Variants in UBE2V1 observed in about 807,000 individuals in gnomAD.
The protein encoded by UBE2V1 is ubiquitin-conjugating enzyme E2 variant 1.
UBE2V1 carries 15 observed loss-of-function variants against 19.6 expected under a neutral mutation model. The ratio of observed to expected loss-of-function variants is 0.77; its 90% confidence interval spans 0.51 to 1.18. The LOEUF is 1.18. UBE2V1 is among the 50% of genes most tolerant of loss of function. The probability of loss-of-function intolerance (pLI) is 0.00; values close to 1 mark genes in which losing one functional copy is unlikely to be tolerated. For missense variants in UBE2V1, 125 were observed against 184.8 expected, an observed-to-expected ratio of 0.68 and a Z score of 1.88; for synonymous variants, 60 against 60.7, an observed-to-expected ratio of 0.99 and a Z score of 0.05.
chr20:50,111,929 C>G (rs2080778511), intron 1 of UBE2V1, among the ~76,000 whole-genome samples: 1 of 152,134 alleles, frequency 6.6e-6, no homozygotes, highest in African/African-American at 2.4e-5. Flanking sequence ...AACCCATTTT[C>G]ACCCCATCTG....
chr20:50,113,168 C>A (rs202084674), upstream of UBE2V1: 12 of 1,260,820 alleles, frequency 9.5e-6, no homozygotes, highest in South Asian at 5.3e-5. Context: ...CCTTCTTCAC[C>A]CCCCCCTTAC....
rs533666554 is a variant in UBE2V1 at position 50,094,510 on chromosome 20, T to C, written c.171+2162A>G. Among the ~76,000 whole-genome samples, 11 of 151,822 alleles carry C rather than the reference T, an allele frequency of 7.2e-5. 1 individual carries two copies. The South Asian group carries it at 2.3e-3, about 32-fold the overall frequency. ...CATCAACAAATGGAAAAACAAAATA[T>C]GGCGTATCTGTACAATGGAATATTA... is the stretch of plus-strand genomic sequence containing the variant. On this transcript the variant is annotated intron_variant, in intron 2 of 3. Transcript: ENST00000371674.
intron 1 of UBE2V1, among the ~76,000 whole-genome samples, chr20:50,112,906 G>A (rs2080860291): frequency 6.6e-6 from 1 of 152,108 alleles, no homozygotes; most frequent in Non-Finnish European, 1.5e-5. Flanking sequence ...GCCGCCCACA[G>A]GCCCCTCAGC....
chr20:50,099,555 A>C (rs2079851753), intron 1 of UBE2V1, among the ~76,000 whole-genome samples: 1 of 152,152 alleles, frequency 6.6e-6, no homozygotes, highest in Non-Finnish European at 1.5e-5. Context: ...GCATAACAAA[A>C]AACCAATTAG....
At chr20:50,094,034 A>AATAATAAAAAT (rs1568987954) in intron 2 of UBE2V1, among the ~76,000 whole-genome samples, 2 of 85,026 alleles carry the variant, frequency 2.4e-5, no homozygotes, top group African/African-American at 1.1e-4. Flanking sequence ...ATAATAATAA[A>AATAATAAAAAT]ATATATATAT....
rs2078684607 is a variant in UBE2V1 at position 50,082,471 on chromosome 20, C to T, written c.*297G>A. The T allele has an allele frequency of 6.1e-6, 2 of 330,554 alleles. No individual in the cohort carries two copies. The highest frequency in any genetic ancestry group is 1.1e-5 in the Non-Finnish European group (2 of 182,120). The allele number at this position is 330,554 out of a possible 1,614,324, so 20.5% of individuals were successfully genotyped here. A position where few individuals can be genotyped will look rare whatever the true frequency, so the allele number is the denominator to read the frequency against. On this transcript the variant is annotated 3_prime_UTR_variant, in exon 4 of 4. Transcript: ENST00000371674. Reference sequence around the variant, plus strand: ...TTTTCACAGTTGAGTTAGATGTGCCCCACCAGTTATGATGGGAATCAATTT... The same window carrying T: ...TTTTCACAGTTGAGTTAGATGTGCCTCACCAGTTATGATGGGAATCAATTT...
In UBE2V1 at chr20:50,094,561, T is replaced by C. The variant is rs187272028; in HGVS notation, c.171+2111A>G. ...TTCAGCCATAAGAAGAATAAAAGTA[T>C]TGATAGATGCTACAATATGCTTGAA... On this transcript the variant is annotated intron_variant, in intron 2 of 3. Coordinates refer to ENST00000371674, the MANE Select transcript of UBE2V1 (RefSeq NM_001032288.3). 3.3e-4 allele frequency among the ~76,000 whole-genome samples: 50 copies of C among 152,132 alleles called. No homozygotes were observed. In the East Asian group the frequency reaches 5.8e-3, roughly 18 times the overall value.
upstream of UBE2V1, chr20:50,113,291 T>C: frequency 4.3e-6 from 2 of 469,900 alleles, no homozygotes; most frequent in South Asian, 1.9e-4. Context: ...CCTTCCCTTT[T>C]AGAGAAAGGA....
chr20:50,106,621 G>A (rs759330058), intron 1 of UBE2V1, among the ~76,000 whole-genome samples: 3 of 151,946 alleles, frequency 2.0e-5, no homozygotes, highest in East Asian at 1.9e-4. Flanking sequence ...ACCTGAGGTC[G>A]GGAGTTCGAG....
intron 2 of UBE2V1, among the ~76,000 whole-genome samples, chr20:50,087,456 G>T (rs1181695818): frequency 6.6e-6 from 1 of 151,674 alleles, no homozygotes; most frequent in Non-Finnish European, 1.5e-5. Flanking sequence ...AGGGTTTCTG[G>T]TTTTTTTATT....
chr20:50,094,634 C>A (rs1358840200), intron 2 of UBE2V1, among the ~76,000 whole-genome samples: 1 of 152,000 alleles, frequency 6.6e-6, no homozygotes, highest in Non-Finnish European at 1.5e-5. Context: ...CAAAAGGCCA[C>A]ATACTGTAGA....
intron 1 of UBE2V1, among the ~76,000 whole-genome samples, chr20:50,106,287 A>T (rs2080351476): frequency 6.6e-6 from 1 of 152,220 alleles, no homozygotes; most frequent in South Asian, 2.1e-4. Context: ...AAAAGACAGC[A>T]GTTGCAGGAT....
chr20:50,089,216 G>C (rs1385823968), intron 2 of UBE2V1, among the ~76,000 whole-genome samples: 1 of 152,162 alleles, frequency 6.6e-6, no homozygotes, highest in Non-Finnish European at 1.5e-5. Flanking sequence ...AGTTTACCAG[G>C]GTTGAGTTTA....
At chr20:50,113,240 C>G, upstream of UBE2V1, 2 of 821,590 alleles carry the variant, frequency 2.4e-6, no homozygotes, top group African/African-American at 1.8e-5. Context: ...CTGACGCCCG[C>G]CCCGGAGACC....
At chr20:50,106,874 C>CAAAAAA (rs57532245) in intron 1 of UBE2V1, among the ~76,000 whole-genome samples, 10 of 124,662 alleles carry the variant, frequency 8.0e-5, no homozygotes, top group African/African-American at 1.6e-4. Flanking sequence ...ACAACAACAA[C>CAAAAAA]AAAAAAAAAA....
At chr20:50,084,534 A>G (rs2078797142) in intron 2 of UBE2V1, 1 of 542,386 alleles carries the variant, frequency 1.8e-6, no homozygotes, top group Admixed American at 2.2e-5. Flanking sequence ...TTTTTATGTT[A>G]ATTTCTCTAC....
At chr20:50,094,010 A>AAAAAT (rs2079416552) in intron 2 of UBE2V1, among the ~76,000 whole-genome samples, 18 of 94,690 alleles carry the variant, frequency 1.9e-4, no homozygotes, top group African/African-American at 3.7e-4. Flanking sequence ...AAAAAAAAAA[A>AAAAAT]AATAATAATA....
chr20:50,105,166 T>C (rs1030799893), intron 1 of UBE2V1, among the ~76,000 whole-genome samples: 1 of 152,230 alleles, frequency 6.6e-6, no homozygotes, highest in Admixed American at 6.5e-5. Flanking sequence ...AAAGTATGTA[T>C]GAAAGCAAGT....
chr20:50,084,434 C>G lies in UBE2V1; in HGVS notation c.172-180G>C, dbSNP rs746609105. 2.7e-6 allele frequency: 3 copies of G among 1,097,180 alleles called. No homozygotes were observed. In the South Asian group the frequency reaches 3.9e-5, roughly 14 times the overall value. The allele number at this position is 1,097,180 out of a possible 1,614,324, so 68.0% of individuals were successfully genotyped here. On this transcript the variant is annotated intron_variant, in intron 2 of 3. Transcript: ENST00000371674. ...CTAGTTCCTACACTAGTTTATATGA[C>G]TTCCGGGCCTTGGGGGAATACAAAG...
Sources: gnomAD v4.1 joint callset for allele counts (sites outside exome capture counted in the v4.1 genomes callset) on GRCh38, gnomAD v4.1.1 for gene constraint, MANE v1.5 for transcripts, NCBI Gene and HGNC (gene_info 2026-07-23, HGNC 2026-07-21) for gene names.